STUM: variants seen among roughly 807,000 people sequenced by gnomAD.
STUM encodes the protein protein stum homolog.
In STUM, 8 loss-of-function variants were observed where a neutral mutation model predicts 15.3. That is an observed-to-expected ratio of 0.52 (90% CI 0.31 to 0.94). The LOEUF is 0.94. Among genes scored for constraint, STUM ranks in the 40% least tolerant of loss-of-function variants. The pLI, the probability that STUM is intolerant of heterozygous loss-of-function variation, is 0.05. For missense variants in STUM, 142 were observed against 204.9 expected (o/e 0.69, Z 1.87); for synonymous variants, 78 against 88.7 (o/e 0.88, Z 0.68).
At chr1:226,555,256 C>G (rs545727794) in intron 1 of STUM, among the ~76,000 whole-genome samples, 7 of 152,218 alleles carry the variant, frequency 4.6e-5, no homozygotes, top group Non-Finnish European at 1.0e-4. Flanking sequence ...GGCTTTCAAT[C>G]GCATTTTTAT....
chr1:226,589,164 C>G (rs1247641958), intron 1 of STUM, among the ~76,000 whole-genome samples: 2 of 152,226 alleles, frequency 1.3e-5, no homozygotes, highest in African/African-American at 2.4e-5. Context: ...ATCCCCTCTC[C>G]AGACCCAGCA....
At chr1:226,579,105 A>G (rs1030348961) in intron 1 of STUM, among the ~76,000 whole-genome samples, 1 of 152,184 alleles carries the variant, frequency 6.6e-6, no homozygotes, top group African/African-American at 2.4e-5. Flanking sequence ...GGCCCATCCC[A>G]GTGCCATTTC....
At chr1:226,592,914 G>A (rs1354917464) in intron 1 of STUM, among the ~76,000 whole-genome samples, 8 of 151,954 alleles carry the variant, frequency 5.3e-5, no homozygotes, top group South Asian at 4.1e-4. Flanking sequence ...ACTTGGGCGC[G>A]GTGGCTCGCG....
intron 1 of STUM, among the ~76,000 whole-genome samples, chr1:226,553,330 G>A (rs1667398877): frequency 6.6e-6 from 1 of 152,168 alleles, no homozygotes; most frequent in Non-Finnish European, 1.5e-5. Flanking sequence ...GTAATGAAAA[G>A]CAGAAAGCAA....
At position 226,602,067 on chromosome 1, in the gene STUM, AG is replaced by A. The variant is rs781073108; in HGVS notation, c.*33del. ...CCCACGGGAGCCGCTGGGGAGATCC[AG>A]GGGGGCCCTGTGAGGGCTGCACCAG... On this transcript the variant is annotated 3_prime_UTR_variant, in exon 4 of 4. Coordinates refer to ENST00000366788, the MANE Select transcript of STUM (RefSeq NM_001003665.4). 23 of 1,597,886 alleles carry A rather than the reference AG, an allele frequency of 1.4e-5. No homozygotes were observed. In the East Asian group the frequency reaches 2.7e-4, roughly 19 times the overall value.
chr1:226,603,548 G>A lies in STUM; in HGVS notation c.*1508G>A, dbSNP rs1397943557. On this transcript the variant is annotated 3_prime_UTR_variant, in exon 4 of 4. Coordinates refer to ENST00000366788, the MANE Select transcript of STUM (RefSeq NM_001003665.4). ...GGGCATGTCCCTCTCTGAAGGGCTT[G>A]TTTGTCTATCAGAGACTGTCAGAAC... is the stretch of plus-strand genomic sequence containing the variant. The A allele has an allele frequency of 6.6e-6, 1 of 152,242 alleles. No homozygotes were observed. Among genetic ancestry groups the A allele is most frequent in the Non-Finnish European group, 1.5e-5 (1 of 68,040 alleles). The allele number at this position is 152,242 out of a possible 1,614,324, so 9.4% of individuals were successfully genotyped here. A position where few individuals can be genotyped will look rare whatever the true frequency, so the allele number is the denominator to read the frequency against.
chr1:226,576,626 G>T (rs531042163), intron 1 of STUM, among the ~76,000 whole-genome samples: 2 of 152,274 alleles, frequency 1.3e-5, no homozygotes, highest in East Asian at 3.9e-4. Context: ...GAGTCCTGTG[G>T]CAGTAAGTAC....
chr1:226,594,645 T>C (rs778798541), intron 1 of STUM, among the ~76,000 whole-genome samples: 25 of 152,206 alleles, frequency 1.6e-4, no homozygotes, highest in Non-Finnish European at 3.5e-4. Flanking sequence ...AAGTAGGATA[T>C]ATGGAAGGAG....
At chr1:226,579,842 T>C (rs1667890864) in intron 1 of STUM, among the ~76,000 whole-genome samples, 1 of 152,096 alleles carries the variant, frequency 6.6e-6, no homozygotes, top group East Asian at 1.9e-4. Flanking sequence ...CCTGTGTTGC[T>C]TGGGCCTCAA....
chr1:226,589,927 T>G (rs886702808), intron 1 of STUM, among the ~76,000 whole-genome samples: 2 of 144,702 alleles, frequency 1.4e-5, no homozygotes, highest in African/African-American at 2.6e-5. Flanking sequence ...AGGACTGGTA[T>G]CAGCTGGAGG....
intron 1 of STUM, among the ~76,000 whole-genome samples, chr1:226,560,862 T>C (rs659989): frequency 0.15 from 23,513 of 152,182 alleles, 2,223 homozygotes; most frequent in African/African-American, 0.27. Flanking sequence ...TCAGGAGCTC[T>C]CCATTGTCCA....
intron 3 of STUM, among the ~76,000 whole-genome samples, chr1:226,601,043 G>T (rs1257935217): frequency 6.6e-6 from 1 of 152,162 alleles, no homozygotes; most frequent in Non-Finnish European, 1.5e-5. Context: ...TTCAGACTAA[G>T]TTCACTGGCT....
rs1668341296 is a variant in STUM at position 226,605,450 on chromosome 1, C to T, written c.*3410C>T. On this transcript the variant is annotated 3_prime_UTR_variant, in exon 4 of 4. Coordinates refer to ENST00000366788, the MANE Select transcript of STUM (RefSeq NM_001003665.4). This position sits in a 1 kb window ranked among gnomAD's most constrained non-coding sequence, Gnocchi z 4.0. ...GCACTCCCAGAAGAAGGAGCAGAAT[C>T]GCATGCAGCCCAGAGCAGGTCCTGT... The T allele has an allele frequency of 6.6e-6, 1 of 152,410 alleles. No individual in the cohort carries two copies. Among genetic ancestry groups the T allele is most frequent in the Admixed American group, 6.5e-5 (1 of 15,284 alleles). The allele number at this position is 152,410 out of a possible 1,614,324, so 9.4% of individuals were successfully genotyped here.
rs1482094200 is a variant in STUM, at chr1:226,608,047, TTCCTG to T, written c.*6010_*6014del. On this transcript the variant is annotated 3_prime_UTR_variant, in exon 4 of 4. Transcript: ENST00000366788. This position sits in a 1 kb window ranked among gnomAD's most constrained non-coding sequence, Gnocchi z 4.0. ...TGCCCAGCCCACATGCACATGCTGT[TTCCTG>T]TCTCCAGGGCCCTAGCCTGTGGATC... 6.6e-6 allele frequency: 1 copy of T among 152,458 alleles called. No individual in the cohort carries two copies. Among genetic ancestry groups the T allele is most frequent in the Admixed American group, 6.5e-5 (1 of 15,288 alleles). 9.4% of individuals were successfully genotyped at this position (152,458 alleles called of 1,614,324 possible).
At chr1:226,597,968 T>C (rs1668210476) in intron 2 of STUM, among the ~76,000 whole-genome samples, 1 of 152,110 alleles carries the variant, frequency 6.6e-6, no homozygotes, top group Non-Finnish European at 1.5e-5. Context: ...CAGGGAGGAA[T>C]GAGCTGGGAA....
chr1:226,567,411 AAAGT>A lies in STUM; in HGVS notation c.202+18309_202+18312del, dbSNP rs1667642657. Among the ~76,000 whole-genome samples, 1 of 152,270 alleles carries A rather than the reference AAAGT, an allele frequency of 6.6e-6. No individual in the cohort carries two copies. Among genetic ancestry groups the A allele is most frequent in the Non-Finnish European group, 1.5e-5 (1 of 68,050 alleles). ...AACACAACAATATTAGCTATTAAAC[AAAGT>A]AAGGAAACATTGAATAAGAAATAGT... On this transcript the variant is annotated intron_variant, in intron 1 of 3. Coordinates refer to ENST00000366788, the MANE Select transcript of STUM (RefSeq NM_001003665.4). The surrounding 1 kb of genome is among the most constrained non-coding windows in gnomAD (Gnocchi z 4.5).
intron 1 of STUM, among the ~76,000 whole-genome samples, chr1:226,566,605 C>A (rs1667630263): frequency 6.6e-6 from 1 of 152,022 alleles, no homozygotes; most frequent in African/African-American, 2.4e-5. Context: ...GGTCTTGGTG[C>A]CATTTTTCCA....
chr1:226,588,692 A>G (rs1245242339), intron 1 of STUM, among the ~76,000 whole-genome samples: 2 of 152,158 alleles, frequency 1.3e-5, no homozygotes, highest in Non-Finnish European at 2.9e-5. Context: ...TGATGACTAG[A>G]CCTCCTGAAT....
At chr1:226,593,707 G>A (rs564927015) in intron 1 of STUM, among the ~76,000 whole-genome samples, 4 of 152,164 alleles carry the variant, frequency 2.6e-5, no homozygotes, top group African/African-American at 9.7e-5. Flanking sequence ...TGCCTCTCTG[G>A]ATCTCCCACA....
Sources: gnomAD v4.1 joint callset for allele counts (sites outside exome capture counted in the v4.1 genomes callset) on GRCh38, gnomAD v4.1.1 for gene constraint, Gnocchi (gnomAD v3.1) non-coding constraint, MANE v1.5 for transcripts, NCBI Gene and HGNC (gene_info 2026-07-23, HGNC 2026-07-21) for gene names.